Variants in LRRTM4 observed in about 807,000 individuals in gnomAD.
LRRTM4 encodes the protein leucine rich repeat transmembrane neuronal 4, also known as leucine-rich repeat transmembrane neuronal protein 4.
Under a neutral mutation model 47.6 loss-of-function variants are expected in LRRTM4, and 25 were observed. The observed-to-expected ratio is 0.53, with a 90% CI of 0.38 to 0.73. The LOEUF (loss-of-function observed/expected upper bound fraction) is 0.73, where lower values mean the gene tolerates loss of function less well. LRRTM4 is among the 30% of genes least tolerant of loss of function. The pLI, the probability that LRRTM4 is intolerant of heterozygous loss-of-function variation, is 0.00. For missense variants in LRRTM4, 638 were observed against 713.4 expected, an observed-to-expected ratio of 0.89 and a Z score of 1.20; for synonymous variants, 311 against 269.5, an observed-to-expected ratio of 1.15 and a Z score of -1.51.
chr2:76,963,169 AAATTT>A (rs1018312416), intron 3 of LRRTM4, among the ~76,000 whole-genome samples: 17 of 151,118 alleles, frequency 1.1e-4, no homozygotes, highest in African/African-American at 3.4e-4. Context: ...TGTATTATAA[AAATTT>A]AATTCTTATT....
At chr2:77,218,431 A>G (rs1212236434) in intron 3 of LRRTM4, among the ~76,000 whole-genome samples, 10 of 152,150 alleles carry the variant, frequency 6.6e-5, no homozygotes, top group Non-Finnish European at 2.9e-5. Flanking sequence ...AGTAGAGAAG[A>G]AAAAGTTGGC....
intron 3 of LRRTM4, among the ~76,000 whole-genome samples, chr2:76,887,341 TC>T (rs201877021): frequency 0.014 from 2,160 of 151,608 alleles, 46 homozygotes; most frequent in African/African-American, 0.045. Context: ...ATTTGACTTT[TC>T]CTAAACGTGT....
intron 3 of LRRTM4, among the ~76,000 whole-genome samples, chr2:77,132,103 AAC>A (rs1671817753): frequency 6.6e-6 from 1 of 152,184 alleles, no homozygotes; most frequent in South Asian, 2.1e-4. Context: ...TATTCTATCT[AAC>A]TGTACATTTG....
chr2:76,805,416 A>G (rs1436206032), intron 3 of LRRTM4, among the ~76,000 whole-genome samples: 1 of 152,174 alleles, frequency 6.6e-6, no homozygotes. Flanking sequence ...TAAAGGTGAC[A>G]AAAGAGGTTC....
chr2:77,319,182 C>G (rs1161628047), intron 3 of LRRTM4, among the ~76,000 whole-genome samples: 1 of 151,810 alleles, frequency 6.6e-6, no homozygotes, highest in East Asian at 1.9e-4. Flanking sequence ...GTTGGGAGTT[C>G]CAAGACCAGC....
At chr2:76,870,161 C>T (rs1043079061) in intron 3 of LRRTM4, among the ~76,000 whole-genome samples, 3 of 152,160 alleles carry the variant, frequency 2.0e-5, no homozygotes, top group South Asian at 2.1e-4. Flanking sequence ...TTTTATCCTA[C>T]TAAAGCCCTC....
intron 3 of LRRTM4, among the ~76,000 whole-genome samples, chr2:77,496,710 C>A (rs1678377804): frequency 6.6e-6 from 1 of 151,668 alleles, no homozygotes; most frequent in African/African-American, 2.4e-5. Flanking sequence ...TAGAATTGTA[C>A]ACAAATGTTT....
At chr2:76,859,337 C>G (rs923190990) in intron 3 of LRRTM4, among the ~76,000 whole-genome samples, 1 of 151,962 alleles carries the variant, frequency 6.6e-6, no homozygotes, top group African/African-American at 2.4e-5. Flanking sequence ...ACCACCTACT[C>G]ATAAGTTTGT....
At position 77,237,161 on chromosome 2, in the gene LRRTM4, T is replaced by C. The variant is rs562559735; in HGVS notation, c.1551+281157A>G. Among the ~76,000 whole-genome samples the C allele has an allele frequency of 2.7e-3, 297 of 109,276 alleles. 1 individual carries two copies. The highest frequency in any genetic ancestry group is 8.2e-3 in the African/African-American group (270 of 32,796). 71.7% of individuals were successfully genotyped at this position (109,276 alleles called of 152,430 possible). The stretch of plus-strand genomic sequence containing the variant: ...GAATTTGGCTGTGAATTCATCTTGT[T>C]GGGGGATTTTTTTTTTTTTTGGTTG... On this transcript the variant is annotated intron_variant, in intron 3 of 3. Transcript: ENST00000409884.
At chr2:76,811,352 T>G (rs557674153) in intron 3 of LRRTM4, among the ~76,000 whole-genome samples, 171 of 152,310 alleles carry the variant, frequency 1.1e-3, no homozygotes, top group Non-Finnish European at 2.0e-3. Flanking sequence ...ACAAAGCAGC[T>G]TGCAGAGGCT....
chr2:77,416,948 G>A (rs1341884262), intron 3 of LRRTM4, among the ~76,000 whole-genome samples: 7 of 152,014 alleles, frequency 4.6e-5, no homozygotes, highest in Non-Finnish European at 1.0e-4. Flanking sequence ...CCATCAGAGA[G>A]AACAGGCAAG....
At chr2:77,324,124 T>C (rs1016893185) in intron 3 of LRRTM4, among the ~76,000 whole-genome samples, 3 of 152,150 alleles carry the variant, frequency 2.0e-5, no homozygotes, top group Non-Finnish European at 4.4e-5. Context: ...TTTTCATTTT[T>C]ATAGAGCTCA....
intron 3 of LRRTM4, among the ~76,000 whole-genome samples, chr2:77,395,479 T>C (rs1673666913): frequency 6.6e-6 from 1 of 151,988 alleles, no homozygotes; most frequent in African/African-American, 2.4e-5. Flanking sequence ...GACCCCAAAG[T>C]AGCCAGTGCT....
chr2:77,138,329 C>T (rs533230041), intron 3 of LRRTM4, among the ~76,000 whole-genome samples: 10 of 152,260 alleles, frequency 6.6e-5, no homozygotes, highest in Non-Finnish European at 1.5e-4. Flanking sequence ...CATTCAAAAC[C>T]ACTCAACTAC....
intron 3 of LRRTM4, among the ~76,000 whole-genome samples, chr2:77,420,717 A>C (rs774111851): frequency 1.3e-5 from 2 of 148,822 alleles, no homozygotes; most frequent in Non-Finnish European, 3.0e-5. Flanking sequence ...AATTCAGAGA[A>C]TATAATCTGG....
In LRRTM4 at chr2:76,956,243, G is replaced by A. The variant is rs139699983; in HGVS notation, c.1552-207327C>T. 3.0e-3 allele frequency among the ~76,000 whole-genome samples: 456 copies of A among 151,846 alleles called. 3 individuals are homozygous for A. Among genetic ancestry groups the A allele is most frequent in the African/African-American group, 0.011 (437 of 41,508 alleles). The stretch of plus-strand genomic sequence containing the variant: ...TTTAAGAAGACTGGCATAATGGCAA[G>A]TGTCTTCTCTGACCACAGTGGAAGG... On this transcript the variant is annotated intron_variant, in intron 3 of 3. Transcript: ENST00000409884.
intron 3 of LRRTM4, among the ~76,000 whole-genome samples, chr2:76,770,770 C>A (rs1011242037): frequency 6.6e-6 from 1 of 152,170 alleles, no homozygotes; most frequent in Non-Finnish European, 1.5e-5. Flanking sequence ...CCCAGTAGTA[C>A]AATTGAAACA....
At chr2:77,460,424 C>A (rs1220594958) in intron 3 of LRRTM4, among the ~76,000 whole-genome samples, 1 of 152,086 alleles carries the variant, frequency 6.6e-6, no homozygotes, top group African/African-American at 2.4e-5. Context: ...AGAGAGAAGT[C>A]ATTATAGCTA....
chr2:77,389,687 C>T (rs1388107415), intron 3 of LRRTM4, among the ~76,000 whole-genome samples: 1 of 152,030 alleles, frequency 6.6e-6, no homozygotes, highest in Non-Finnish European at 1.5e-5. Context: ...CTTAAAATGT[C>T]TATTTCAAGA....
Sources: allele counts gnomAD v4.1 joint callset (sites outside exome capture counted in the v4.1 genomes callset), GRCh38; gene constraint gnomAD v4.1.1; transcripts MANE v1.5; gene names NCBI Gene and HGNC (gene_info 2026-07-23, HGNC 2026-07-21).